Variants in VAMP3 observed in about 807,000 individuals in gnomAD.
VAMP3 encodes vesicle-associated membrane protein 3.
In VAMP3, 11 loss-of-function variants were observed where a neutral mutation model predicts 18.1. The observed-to-expected ratio is 0.61, with a 90% confidence interval of 0.38 to 1.00. The LOEUF (loss-of-function observed/expected upper bound fraction) is 1.00. Among genes scored for constraint, VAMP3 ranks in the 50% least tolerant of loss-of-function variants. The probability of loss-of-function intolerance (pLI) is 0.01; values close to 1 mark genes in which losing one functional copy is unlikely to be tolerated. For missense variants in VAMP3, 122 were observed against 127.3 expected (o/e 0.96, Z 0.20); for synonymous variants, 49 against 43.1 (o/e 1.14, Z -0.53).
chr1:7,779,067 C>T (rs1034479819), intron 4 of VAMP3, among the ~76,000 whole-genome samples: 8 of 152,002 alleles, frequency 5.3e-5, no homozygotes, highest in Non-Finnish European at 1.2e-4. Context: ...TGGTCGCGGG[C>T]GCCTGTAGTC....
rs750684812 is a variant in VAMP3 at position 7,778,141 on chromosome 1, T to C, written c.255T>C (p.Val85=). ...AGATGTGGGCAATCGGGATTACTGT[T>C]CTGGTTATCTTCATCATCATCATCA... The part of the protein sequence containing the change: ...NCKMWAIGIT[V]LVIFIIIIIV... The change falls in exon 4 of 5, where the codon GTT becomes GTC. Residue 85 remains valine (V), a synonymous_variant. Coordinates refer to ENST00000054666, the MANE Select transcript of VAMP3 (RefSeq NM_004781.4). 10 of 1,614,116 alleles carry C rather than the reference T, an allele frequency of 6.2e-6. No homozygotes were observed. The highest frequency in any genetic ancestry group is 7.6e-6 in the Non-Finnish European group (9 of 1,180,050).
At chr1:7,775,429 C>T (rs946691598) in intron 2 of VAMP3, among the ~76,000 whole-genome samples, 2 of 152,038 alleles carry the variant, frequency 1.3e-5, no homozygotes, top group Non-Finnish European at 2.9e-5. Context: ...CTCACTGCAG[C>T]CTCCAAGCCC....
At chr1:7,777,132 A>C in intron 2 of VAMP3, 28 bp from the exon 3 acceptor site, 1 of 1,582,502 alleles carries the variant, frequency 6.3e-7, no homozygotes, top group Non-Finnish European at 8.6e-7. Flanking sequence ...TTCTTTGTGC[A>C]TTACTTGCTG....
At chr1:7,772,476 C>T (rs72853890) in intron 1 of VAMP3, among the ~76,000 whole-genome samples, 2,628 of 152,300 alleles carry the variant, frequency 0.017, 61 homozygotes, top group African/African-American at 0.06. Context: ...GACTTTATAC[C>T]TGAAAAACCA....
intron 3 of VAMP3, 92 bp downstream of exon 3, chr1:7,777,410 G>C: frequency 6.8e-7 from 1 of 1,466,954 alleles, no homozygotes; most frequent in Admixed American, 2.3e-5. Flanking sequence ...TCACGACTCT[G>C]GGAGGTGGGT....
Position 7,780,272 on chromosome 1 carries a change from C to G in VAMP3, c.*627C>G, listed in dbSNP as rs2097056437. The G allele has an allele frequency of 6.5e-6, 1 of 152,756 alleles. No homozygotes were observed. The highest frequency in any genetic ancestry group is 2.4e-5 in the African/African-American group (1 of 41,442). 9.5% of individuals were successfully genotyped at this position (152,756 alleles called of 1,614,324 possible). On this transcript the variant is annotated 3_prime_UTR_variant, in exon 5 of 5. Transcript: ENST00000054666. ...ATATTGTTTTAATCAGAGATAACCT[C>G]TTTAAAAAAATTTTTAAAGAACTAT...
rs375639351 is a variant in VAMP3, at chr1:7,771,348, T to C, written c.-36T>C. 91 of 1,592,748 alleles carry C rather than the reference T, an allele frequency of 5.7e-5. No individual in the cohort carries two copies. The African/African-American group carries it at 1.2e-3, about 20-fold the overall frequency. ...CCCAACTTCGCTTCTCTGCTGACCCTCTCTCGTCGCCGCTGCCGCCGCCGC... is the reference window on the plus strand; with the variant it reads ...CCCAACTTCGCTTCTCTGCTGACCCCCTCTCGTCGCCGCTGCCGCCGCCGC... On this transcript the variant is annotated 5_prime_UTR_variant, in exon 1 of 5. Transcript: ENST00000054666.
At chr1:7,779,600 C>CT in intron 4 of VAMP3, 26 bp from the exon 5 acceptor site, 1 of 1,614,084 alleles carries the variant, frequency 6.2e-7, no homozygotes, top group Middle Eastern at 1.6e-4. Flanking sequence ...TTTCCCCTGC[C>CT]TTTTTGCATC....
chr1:7,775,569 A>C (rs933288395), intron 2 of VAMP3, among the ~76,000 whole-genome samples: 1 of 152,148 alleles, frequency 6.6e-6, no homozygotes, highest in Non-Finnish European at 1.5e-5. Context: ...GGCTGGTCTC[A>C]AACTCCTGAT....
chr1:7,778,759 C>G (rs921096363), intron 4 of VAMP3, among the ~76,000 whole-genome samples: 1 of 152,160 alleles, frequency 6.6e-6, no homozygotes, highest in Non-Finnish European at 1.5e-5. Flanking sequence ...GTGATCCATC[C>G]TGGCTCCACC....
intron 4 of VAMP3, among the ~76,000 whole-genome samples, chr1:7,778,968 G>A (rs1191671000): frequency 6.6e-6 from 1 of 152,188 alleles, no homozygotes; most frequent in Admixed American, 6.5e-5. Context: ...GGCTGAGGCG[G>A]GCAGATCACG....
chr1:7,773,557 G>A (rs755728663), intron 2 of VAMP3, 46 bp downstream of exon 2: 3 of 1,523,488 alleles, frequency 2.0e-6, no homozygotes, highest in Non-Finnish European at 2.7e-6. Context: ...ACAAATATGA[G>A]TACTCTGGAA....
chr1:7,771,469 C>T (rs2150364676), intron 1 of VAMP3, 84 bp downstream of exon 1: 1 of 1,405,966 alleles, frequency 7.1e-7, no homozygotes, highest in Non-Finnish European at 9.2e-7. Flanking sequence ...CCAGTTGCCG[C>T]CGGCCGCCAC....
chr1:7,777,648 C>T (rs1047726942), intron 3 of VAMP3, among the ~76,000 whole-genome samples: 1 of 152,156 alleles, frequency 6.6e-6, no homozygotes, highest in Non-Finnish European at 1.5e-5. Flanking sequence ...TCAGTTTTCT[C>T]GTAGTTCTGT....
At position 7,776,078 on chromosome 1, in the gene VAMP3, A is replaced by C. The variant is rs115223829; in HGVS notation, c.73-1082A>C. ...ACTGTTTTGATTACTGTAGCTTTGT[A>C]GTAAGTTTTGAAATTGGGAAGTGAC... On this transcript the variant is annotated intron_variant, in intron 2 of 4. Transcript: ENST00000054666. 2.6e-3 allele frequency among the ~76,000 whole-genome samples: 401 copies of C among 152,320 alleles called. 1 individual carries two copies. Among genetic ancestry groups the C allele is most frequent in the African/African-American group, 8.7e-3 (362 of 41,580 alleles).
chr1:7,775,494 C>T (rs1249209203), intron 2 of VAMP3, among the ~76,000 whole-genome samples: 1 of 151,978 alleles, frequency 6.6e-6, no homozygotes, highest in African/African-American at 2.4e-5. Flanking sequence ...ATTACAGGCG[C>T]CCGCCACCTT....
chr1:7,779,768 T>C lies in VAMP3; in HGVS notation c.*123T>C, dbSNP rs2097056190. ...AAATTTTTTTTGTGTTAATGTAAAG[T>C]TGAATTTCTAGGAAACGTGCCTTTG... On this transcript the variant is annotated 3_prime_UTR_variant, in exon 5 of 5. Coordinates refer to ENST00000054666, the MANE Select transcript of VAMP3 (RefSeq NM_004781.4). The C allele has an allele frequency of 7.3e-7, 1 of 1,369,990 alleles. No individual in the cohort carries two copies. Among genetic ancestry groups the C allele is most frequent in the African/African-American group, 1.5e-5 (1 of 68,374 alleles). The allele number at this position is 1,369,990 out of a possible 1,614,324, so 84.9% of individuals were successfully genotyped here. A position where few individuals can be genotyped will look rare whatever the true frequency, so the allele number is the denominator to read the frequency against.
At chr1:7,775,496 C>T (rs1442181216) in intron 2 of VAMP3, among the ~76,000 whole-genome samples, 5 of 151,986 alleles carry the variant, frequency 3.3e-5, no homozygotes, top group African/African-American at 9.7e-5. Flanking sequence ...TACAGGCGCC[C>T]GCCACCTTGC....
At chr1:7,778,038 G>A in intron 3 of VAMP3, 80 bp from the exon 4 acceptor site, 1 of 1,481,604 alleles carries the variant, frequency 6.7e-7, no homozygotes, top group Admixed American at 1.7e-5. Context: ...TCAGTGACTA[G>A]ATGAATATTA....
Sources: gnomAD v4.1 joint callset for allele counts (sites outside exome capture counted in the v4.1 genomes callset) on GRCh38, gnomAD v4.1.1 for gene constraint, MANE v1.5 for transcripts, NCBI Gene and HGNC (gene_info 2026-07-23, HGNC 2026-07-21) for gene names.